The following UTRN variants were observed in gnomAD, a reference collection of about 807,000 sequenced individuals.
UTRN encodes the protein dystrophin-related protein 1.
Under a neutral mutation model 463.9 loss-of-function variants are expected in UTRN, and 283 were observed. The observed-to-expected ratio is 0.61, with a 90% CI of 0.55 to 0.67. The LOEUF is 0.67. UTRN is among the 30% of genes least tolerant of loss of function. The probability of loss-of-function intolerance (pLI) is 0.00; values close to 1 mark genes in which losing one functional copy is unlikely to be tolerated. For missense variants in UTRN, 3,922 were observed against 4,084.3 expected (o/e 0.96, Z 1.08); for synonymous variants, 1,442 against 1,431.5 (o/e 1.01, Z -0.17).
In UTRN at chr6:144,424,015, C is replaced by T. The variant is rs754201784; in HGVS notation, c.342C>T (p.Asp114=). Reference sequence around the variant, plus strand: ...AATTAGTGAATATAGGGGGAACTGACATTGTGGATGGAAATCACAAACTGA... The same window carrying T: ...AATTAGTGAATATAGGGGGAACTGATATTGTGGATGGAAATCACAAACTGA... ...NVELVNIGGT[D]IVDGNHKLTL... Residue 114 remains aspartate, a synonymous_variant, in exon 6 of 75, where the codon GAC becomes GAT. Transcript: ENST00000367545. 3.1e-6 allele frequency: 5 copies of T among 1,614,012 alleles called. No homozygotes were observed. The African/African-American group carries it at 4.0e-5, about 13-fold the overall frequency.
intron 69 of UTRN, among the ~76,000 whole-genome samples, chr6:144,829,150 A>G (rs1238409212): frequency 6.6e-6 from 1 of 152,082 alleles, no homozygotes; most frequent in Non-Finnish European, 1.5e-5. Context: ...TATTCATTCC[A>G]TTTGTCTTAT....
intron 7 of UTRN, among the ~76,000 whole-genome samples, chr6:144,427,962 G>A (rs990344268): frequency 3.3e-5 from 5 of 152,120 alleles, no homozygotes; most frequent in African/African-American, 9.7e-5. Flanking sequence ...CAAGAGCAGA[G>A]GAGGCACTTG....
intron 52 of UTRN, 21 bp from the exon 53 acceptor site, chr6:144,700,066 A>G (rs769358199): frequency 1.9e-5 from 29 of 1,556,120 alleles, no homozygotes; most frequent in Middle Eastern, 1.7e-4. Context: ...GGTTATTATT[A>G]TTATTATTAT....
intron 53 of UTRN, among the ~76,000 whole-genome samples, chr6:144,704,702 A>G (rs1586120981): frequency 1.3e-5 from 2 of 152,146 alleles, no homozygotes; most frequent in South Asian, 2.1e-4. Context: ...GGTGGCTCAC[A>G]CCTGTAATCC....
chr6:144,447,413 C>G, intron 15 of UTRN, 95 bp downstream of exon 15: 1 of 1,354,782 alleles, frequency 7.4e-7, no homozygotes, highest in South Asian at 1.3e-5. Context: ...ATGCAGATTA[C>G]AGCTCATTAC....
chr6:144,563,865 A>G (rs533837070), intron 50 of UTRN, among the ~76,000 whole-genome samples: 15 of 152,270 alleles, frequency 9.9e-5, no homozygotes, highest in African/African-American at 3.1e-4. Context: ...ATAAATGCCT[A>G]TGAATGTTAA....
intron 51 of UTRN, among the ~76,000 whole-genome samples, chr6:144,619,259 G>T (rs1347599004): frequency 6.6e-6 from 1 of 152,122 alleles, no homozygotes; most frequent in Non-Finnish European, 1.5e-5. Context: ...AAATCAATAT[G>T]TAGTAGTATG....
At chr6:144,624,864 A>G (rs1775788110) in intron 51 of UTRN, among the ~76,000 whole-genome samples, 1 of 152,202 alleles carries the variant, frequency 6.6e-6, no homozygotes, top group Non-Finnish European at 1.5e-5. Context: ...CGTTTTTGAC[A>G]GTGAAATCAA....
At chr6:144,447,442 C>T in intron 15 of UTRN, 124 bp downstream of exon 15, 6 of 1,259,196 alleles carry the variant, frequency 4.8e-6, no homozygotes, top group Non-Finnish European at 6.6e-6. Flanking sequence ...AGACTGCTGC[C>T]CTGTAACAAT....
intron 3 of UTRN, among the ~76,000 whole-genome samples, chr6:144,417,857 C>G (rs964833050): frequency 6.6e-6 from 1 of 152,100 alleles, no homozygotes; most frequent in Non-Finnish European, 1.5e-5. Context: ...TTAATGAAAC[C>G]TGAGACTTGT....
chr6:144,458,701 T>G, intron 19 of UTRN, 69 bp from the exon 20 acceptor site: 1 of 1,492,152 alleles, frequency 6.7e-7, no homozygotes, highest in Non-Finnish European at 8.9e-7. Context: ...AGTGTTAGAA[T>G]GTTCAGAATA....
chr6:144,736,303 A>AT (rs1789389059), intron 54 of UTRN, among the ~76,000 whole-genome samples: 1 of 152,082 alleles, frequency 6.6e-6, no homozygotes, highest in Non-Finnish European at 1.5e-5. Context: ...AAATCAAGTG[A>AT]TTTTTTTCGG....
chr6:144,294,144 A>G (rs1804485079), intron 2 of UTRN, among the ~76,000 whole-genome samples: 1 of 152,098 alleles, frequency 6.6e-6, no homozygotes, highest in Non-Finnish European at 1.5e-5. Context: ...AGATTATCAA[A>G]TTGCTTAGAG....
rs1054259919 is a variant in UTRN at position 144,408,585 on chromosome 6, A to G, written c.141+5401A>G. ...TGCTTTTCTCTTTTCTAAGACACAG[A>G]TGAGCCAAGTTTTCATGTAAGTTAC... On this transcript the variant is annotated intron_variant, in intron 3 of 74. Coordinates refer to ENST00000367545, the MANE Select transcript of UTRN (RefSeq NM_007124.3). Among the ~76,000 whole-genome samples the G allele has an allele frequency of 2.6e-5, 4 of 152,368 alleles. No homozygotes were observed. In the East Asian group the frequency reaches 5.8e-4, roughly 22 times the overall value.
intron 65 of UTRN, among the ~76,000 whole-genome samples, chr6:144,806,286 T>G (rs1778139716): frequency 6.6e-6 from 1 of 152,172 alleles, no homozygotes; most frequent in Admixed American, 6.6e-5. Context: ...AAAACTGTTC[T>G]TGTTGCATAG....
intron 50 of UTRN, among the ~76,000 whole-genome samples, chr6:144,562,201 A>G (rs972163670): frequency 6.6e-6 from 1 of 152,072 alleles, no homozygotes; most frequent in Non-Finnish European, 1.5e-5. Context: ...ATTTAAAAAA[A>G]TATTTTATTT....
intron 54 of UTRN, among the ~76,000 whole-genome samples, chr6:144,746,267 T>A (rs888850951): frequency 6.6e-6 from 1 of 151,892 alleles, no homozygotes; most frequent in Non-Finnish European, 1.5e-5. Context: ...CCTCCCAAAG[T>A]GCAGGAATTA....
chr6:144,758,659 G>A (rs559729794), intron 58 of UTRN, among the ~76,000 whole-genome samples: 12 of 152,156 alleles, frequency 7.9e-5, no homozygotes, highest in East Asian at 1.9e-4. Flanking sequence ...CTTAGTAGGC[G>A]TTGATCCTTG....
At chr6:144,412,736 G>GTATA (rs752178936) in intron 3 of UTRN, among the ~76,000 whole-genome samples, 12 of 107,058 alleles carry the variant, frequency 1.1e-4, no homozygotes, top group Non-Finnish European at 6.6e-5. Context: ...GTGTGTGTGT[G>GTATA]TATATATATA....
Sources: allele counts gnomAD v4.1 joint callset (sites outside exome capture counted in the v4.1 genomes callset), GRCh38; gene constraint gnomAD v4.1.1; transcripts MANE v1.5; gene names NCBI Gene and HGNC (gene_info 2026-07-23, HGNC 2026-07-21).